Variants in ASB3 observed in about 807,000 individuals in gnomAD.
ASB3 encodes ankyrin repeat and SOCS box protein 3.
A neutral mutation model predicts 54.5 loss-of-function variants in ASB3; 41 were observed. The observed-to-expected ratio is 0.75, with a 90% confidence interval of 0.59 to 0.98. The LOEUF (loss-of-function observed/expected upper bound fraction) is 0.98, where lower values mean the gene tolerates loss of function less well. ASB3 is among the 50% of genes least tolerant of loss of function. The pLI is 0.00. For synonymous variants in ASB3, 266 were observed against 221.2 expected (o/e 1.20, Z -1.80); for missense variants, 733 against 620.0 (o/e 1.18, Z -1.94).
intron 9 of ASB3, among the ~76,000 whole-genome samples, chr2:53,688,958 G>A (rs888092277): frequency 6.6e-6 from 1 of 151,968 alleles, no homozygotes; most frequent in Non-Finnish European, 1.5e-5. Context: ...AAGGATTTGT[G>A]GTACACAATT....
chr2:53,771,294 T>A (rs1351785878), intron 1 of ASB3, among the ~76,000 whole-genome samples: 2 of 152,080 alleles, frequency 1.3e-5, no homozygotes, highest in African/African-American at 4.8e-5. Flanking sequence ...ACGGGTGGAT[T>A]ACCTAAGGTC....
At chr2:53,682,157 C>T (rs186944248) in intron 9 of ASB3, among the ~76,000 whole-genome samples, 128 of 129,590 alleles carry the variant, frequency 9.9e-4, no homozygotes, top group African/African-American at 3.6e-3. Flanking sequence ...GAGACTCCGT[C>T]TCAAAAAAAA....
At chr2:53,785,433 T>TAA (rs66716085) in intron 1 of ASB3, among the ~76,000 whole-genome samples, 1,910 of 147,982 alleles carry the variant, frequency 0.013, 30 homozygotes, top group African/African-American at 0.037. Flanking sequence ...GAATAAATGC[T>TAA]AAAAAAAAAA....
chr2:53,701,525 T>C (rs934011648), intron 7 of ASB3, among the ~76,000 whole-genome samples: 79 of 152,090 alleles, frequency 5.2e-4, no homozygotes, highest in Non-Finnish European at 1.5e-4. Context: ...ATAGCCAAAT[T>C]GAAGAATATT....
intron 2 of ASB3, among the ~76,000 whole-genome samples, chr2:53,757,277 C>T (rs1301550329): frequency 2.6e-5 from 4 of 152,206 alleles, no homozygotes; most frequent in Non-Finnish European, 4.4e-5. Context: ...TGGGAAAGGG[C>T]TTTCTAACAA....
chr2:53,747,082 A>G (rs1344183997), intron 3 of ASB3, among the ~76,000 whole-genome samples: 1 of 152,182 alleles, frequency 6.6e-6, no homozygotes, highest in Admixed American at 6.5e-5. Flanking sequence ...ATGCATCTCT[A>G]ATTTTCTCCA....
intron 3 of ASB3, among the ~76,000 whole-genome samples, chr2:53,738,480 C>T (rs1209110296): frequency 6.6e-6 from 1 of 152,084 alleles, no homozygotes; most frequent in African/African-American, 2.4e-5. Context: ...GTTCTTCAAT[C>T]AAACCAGACA....
At chr2:53,695,328 T>G (rs571858463) in intron 8 of ASB3, among the ~76,000 whole-genome samples, 1 of 152,170 alleles carries the variant, frequency 6.6e-6, no homozygotes, top group Admixed American at 6.6e-5. Context: ...GCAGCACAGA[T>G]GTCTTGGGAA....
chr2:53,714,741 A>G (rs1002855053), intron 6 of ASB3, among the ~76,000 whole-genome samples, 160 bp from the exon 7 acceptor site: 1 of 152,212 alleles, frequency 6.6e-6, no homozygotes, highest in African/African-American at 2.4e-5. Context: ...AAACTATTAC[A>G]TGCTATATAT....
chr2:53,691,457 A>T (rs989341225), intron 9 of ASB3, among the ~76,000 whole-genome samples: 10 of 152,190 alleles, frequency 6.6e-5, no homozygotes, highest in Non-Finnish European at 7.3e-5. Context: ...AAAAATTTTT[A>T]AATATATTGA....
intron 9 of ASB3, among the ~76,000 whole-genome samples, chr2:53,689,109 T>C (rs1031081073): frequency 1.3e-4 from 19 of 151,950 alleles, no homozygotes; most frequent in African/African-American, 4.6e-4. Flanking sequence ...TCTAGTGCTA[T>C]ATTAAGAGTT....
intron 6 of ASB3, among the ~76,000 whole-genome samples, chr2:53,715,357 T>C (rs1232202640): frequency 6.6e-6 from 1 of 152,206 alleles, no homozygotes; most frequent in East Asian, 1.9e-4. Flanking sequence ...AGGGCTACTC[T>C]GAAGTATTTT....
intron 2 of ASB3, among the ~76,000 whole-genome samples, chr2:53,763,154 G>C (rs1179240678): frequency 6.6e-6 from 1 of 152,158 alleles, no homozygotes; most frequent in Non-Finnish European, 1.5e-5. Flanking sequence ...AGCCAAGGCA[G>C]GAGGATCACT....
chr2:53,713,341 T>C (rs983237931), intron 7 of ASB3, among the ~76,000 whole-genome samples: 12 of 152,246 alleles, frequency 7.9e-5, no homozygotes, highest in Non-Finnish European at 1.6e-4. Context: ...ATTTGAGGTA[T>C]GCCTGCAACC....
chr2:53,687,532 C>A (rs1170311611), intron 9 of ASB3, among the ~76,000 whole-genome samples: 1 of 152,212 alleles, frequency 6.6e-6, no homozygotes, highest in Non-Finnish European at 1.5e-5. Context: ...TTAAGAACTA[C>A]TGTGAAGAAT....
intron 9 of ASB3, among the ~76,000 whole-genome samples, chr2:53,683,284 T>G (rs138158880): frequency 6.6e-6 from 1 of 152,380 alleles, no homozygotes; most frequent in East Asian, 1.9e-4. Context: ...TCTGCATATG[T>G]TGAACCACGC....
chr2:53,744,313 C>T (rs1229463120), intron 3 of ASB3, among the ~76,000 whole-genome samples: 3 of 147,648 alleles, frequency 2.0e-5, no homozygotes, highest in East Asian at 4.0e-4. Flanking sequence ...GAACCCGGGA[C>T]GCAGAGCTTG....
At chr2:53,677,362 G>C (rs1668135511) in intron 9 of ASB3, among the ~76,000 whole-genome samples, 1 of 151,960 alleles carries the variant, frequency 6.6e-6, no homozygotes, top group Non-Finnish European at 1.5e-5. Context: ...TTTTCCTTTA[G>C]CAGCTCTTAA....
chr2:53,693,965 T>C lies in ASB3; in HGVS notation c.1288A>G (p.Asn430Asp), dbSNP rs1349137036. ...DTLIFTLEFT[N>D]WKTLAPAVER... ...ACAGCTGGTGCAAGTGTCTTCCAAT[T>C]AGTAAACTCCAAAGTGAAGATAAGG... The change falls in exon 9 of 10, where the codon AAT becomes GAT. Residue 430 changes from asparagine (N) to aspartate (D), a missense_variant. Transcript: ENST00000263634. The C allele has an allele frequency of 1.2e-6, 2 of 1,613,600 alleles. No homozygotes were observed. The highest frequency in any genetic ancestry group is 1.7e-5 in the Admixed American group (1 of 59,972).
Sources: gnomAD v4.1 joint callset for allele counts (sites outside exome capture counted in the v4.1 genomes callset) on GRCh38, gnomAD v4.1.1 for gene constraint, MANE v1.5 for transcripts, NCBI Gene and HGNC (gene_info 2026-07-23, HGNC 2026-07-21) for gene names.